Variants in FREM2 observed in about 807,000 individuals in gnomAD.
FREM2 encodes the protein FRAS1 related extracellular matrix 2.
In FREM2, 119 loss-of-function variants were observed where a neutral mutation model predicts 219.9. The observed-to-expected ratio is 0.54, with a 90% CI of 0.47 to 0.63. FREM2 has a LOEUF of 0.63. Among genes scored for constraint, FREM2 ranks in the 30% least tolerant of loss-of-function variants. The probability of loss-of-function intolerance (pLI) is 0.00; values close to 1 mark genes in which losing one functional copy is unlikely to be tolerated. For synonymous variants in FREM2, 1,562 were observed against 1,522.8 expected (o/e 1.03, Z -0.60); for missense variants, 4,030 against 3,993.6 (o/e 1.01, Z -0.25).
chr13:38,756,392 T>C (rs1267938495), intron 2 of FREM2, among the ~76,000 whole-genome samples: 2 of 152,192 alleles, frequency 1.3e-5, no homozygotes, highest in Non-Finnish European at 2.9e-5. Flanking sequence ...CTATATGTTG[T>C]TGATTCATTA....
intron 2 of FREM2, among the ~76,000 whole-genome samples, chr13:38,723,002 G>A (rs915171475): frequency 3.3e-5 from 5 of 152,106 alleles, no homozygotes; most frequent in Middle Eastern, 3.4e-3. Context: ...TGGCTGAGGC[G>A]GGAGGATCAC....
At chr13:38,802,176 TC>T (rs1371492529) in intron 6 of FREM2, among the ~76,000 whole-genome samples, 1 of 152,046 alleles carries the variant, frequency 6.6e-6, no homozygotes, top group Non-Finnish European at 1.5e-5. Flanking sequence ...GTGGGGTTGT[TC>T]CCCCGCCACC....
intron 6 of FREM2, among the ~76,000 whole-genome samples, chr13:38,795,983 CTTTCTTTCTTTCTTT>C (rs1230412462): frequency 6.7e-5 from 10 of 149,874 alleles, no homozygotes; most frequent in Admixed American, 2.0e-4. Flanking sequence ...AGTTTTCTTT[CTTTCTTTCTTTCTTT>C]TTTCTTTCTT....
chr13:38,843,677 G>A (rs1877043482), intron 6 of FREM2, among the ~76,000 whole-genome samples: 2 of 152,028 alleles, frequency 1.3e-5, no homozygotes, highest in South Asian at 4.2e-4. Flanking sequence ...TGCTTGATGT[G>A]TCTTTAACTC....
chr13:38,797,820 G>A (rs1242126936), intron 6 of FREM2, among the ~76,000 whole-genome samples: 3 of 152,086 alleles, frequency 2.0e-5, no homozygotes, highest in Non-Finnish European at 2.9e-5. Context: ...TATGGTGAGA[G>A]ACAGGGGTCC....
chr13:38,763,480 A>T (rs1481695321), intron 2 of FREM2, among the ~76,000 whole-genome samples: 4 of 3,316 alleles, frequency 1.2e-3, no homozygotes, highest in Non-Finnish European at 4.0e-3. Context: ...TTTTTTTTAC[A>T]CCCTCTTTCA....
rs1490574552 is a variant in FREM2 at position 38,881,470 on chromosome 13, T to C, written c.*683T>C. 3.2e-5 allele frequency: 5 copies of C among 154,802 alleles called. No individual in the cohort carries two copies. The highest frequency in any genetic ancestry group is 7.2e-5 in the Non-Finnish European group (5 of 69,542). The allele number at this position is 154,802 out of a possible 1,614,324, so 9.6% of individuals were successfully genotyped here. On this transcript the variant is annotated 3_prime_UTR_variant, in exon 24 of 24. Coordinates refer to ENST00000280481, the MANE Select transcript of FREM2 (RefSeq NM_207361.6). ...TAATTTTAAATTAAACCAAAGAATATGTTAATTCTGAAAGAGATTTTTAAG... is the reference window on the plus strand; with the variant it reads ...TAATTTTAAATTAAACCAAAGAATACGTTAATTCTGAAAGAGATTTTTAAG...
At chr13:38,865,271 A>C (rs1051781324) in intron 16 of FREM2, among the ~76,000 whole-genome samples, 18 of 152,156 alleles carry the variant, frequency 1.2e-4, no homozygotes. Context: ...ACACACACAC[A>C]ATCCTCACCC....
chr13:38,776,087 A>G (rs1367597534), intron 4 of FREM2, among the ~76,000 whole-genome samples: 1 of 152,242 alleles, frequency 6.6e-6, no homozygotes, highest in Non-Finnish European at 1.5e-5. Context: ...CTATATTACT[A>G]TGTCTGTCTT....
In FREM2 at chr13:38,877,101, T is replaced by C. The variant is rs776364882; in HGVS notation, c.8545-16T>C. 8.7e-6 allele frequency: 14 copies of C among 1,614,062 alleles called. No individual in the cohort carries two copies. The highest frequency in any genetic ancestry group is 1.2e-5 in the Non-Finnish European group (14 of 1,179,918). Reference sequence around the variant, plus strand: ...GAACCACTGATGCATAAAAGAACTTTTACCTTTGGTTTTAGGTCAGTGATC... The same window carrying C: ...GAACCACTGATGCATAAAAGAACTTCTACCTTTGGTTTTAGGTCAGTGATC... On this transcript the variant is annotated splice_polypyrimidine_tract_variant and intron_variant, in intron 20 of 23. Transcript: ENST00000280481.
intron 11 of FREM2, among the ~76,000 whole-genome samples, chr13:38,854,181 G>A (rs1877474674): frequency 6.7e-6 from 1 of 149,812 alleles, no homozygotes; most frequent in Non-Finnish European, 1.5e-5. Flanking sequence ...TGCTAAAATA[G>A]TCTAAAGTGA....
At chr13:38,782,068 A>G (rs1874138943) in intron 4 of FREM2, among the ~76,000 whole-genome samples, 1 of 152,196 alleles carries the variant, frequency 6.6e-6, no homozygotes. Context: ...CGTGGTTCCC[A>G]TTTGTCAGCT....
intron 6 of FREM2, among the ~76,000 whole-genome samples, chr13:38,787,800 A>G (rs1874392858): frequency 1.3e-5 from 2 of 150,952 alleles, no homozygotes; most frequent in African/African-American, 4.8e-5. Context: ...TATTAATGTT[A>G]TTCAACGAAT....
chr13:38,782,114 A>G (rs1593404411), intron 4 of FREM2, among the ~76,000 whole-genome samples: 1 of 152,328 alleles, frequency 6.6e-6, no homozygotes, highest in East Asian at 1.9e-4. Flanking sequence ...AGGGTGGAGC[A>G]TGGACCTCCA....
At chr13:38,769,938 T>A (rs998572232) in intron 4 of FREM2, 130 bp downstream of exon 4, 8 of 738,604 alleles carry the variant, frequency 1.1e-5, no homozygotes, top group Non-Finnish European at 1.9e-5. Context: ...TCTAGATTAA[T>A]GATTCATTAT....
rs773414800 is a variant in FREM2 at position 38,697,720 on chromosome 13, A to G, written c.5196A>G (p.Ile1732Met). The change falls in exon 2 of 24, where the codon ATA becomes ATG. Residue 1732 changes from isoleucine to methionine, a missense_variant. Ile to Met is a conservative substitution (Grantham distance 10, BLOSUM62 1). Around this residue, in one of 2 missense-constraint regions of FREM2, gnomAD observed 3,102 missense variants for 2,950.7 expected, o/e 1.05. Coordinates refer to ENST00000280481, the MANE Select transcript of FREM2 (RefSeq NM_207361.6). ...TAGCTGACATTGATGACATGAAAAT[A>G]TGCTATGTCTTAAGAGAAGGGGCTA... ...FTQADIDDMK[I>M]CYVLREGANA... 5.6e-6 allele frequency: 9 copies of G among 1,604,228 alleles called. No homozygotes were observed. The South Asian group carries it at 8.8e-5, about 16-fold the overall frequency.
intron 6 of FREM2, among the ~76,000 whole-genome samples, chr13:38,829,776 T>C (rs9548467): frequency 0.093 from 14,076 of 151,950 alleles, 994 homozygotes; most frequent in Admixed American, 0.21. Context: ...CAATAGATAG[T>C]GTCTGGAAAC....
intron 4 of FREM2, among the ~76,000 whole-genome samples, chr13:38,772,491 C>T (rs968291327): frequency 1.3e-5 from 2 of 152,232 alleles, no homozygotes; most frequent in South Asian, 2.1e-4. Context: ...ATAATGGTAA[C>T]GACTGAAATT....
chr13:38,812,347 T>C (rs976842525), intron 6 of FREM2, among the ~76,000 whole-genome samples: 2 of 152,134 alleles, frequency 1.3e-5, no homozygotes, highest in Admixed American at 1.3e-4. Flanking sequence ...TTATTTGTTT[T>C]CTGGATGTCT....
Sources: gnomAD v4.1 joint callset for allele counts (sites outside exome capture counted in the v4.1 genomes callset) on GRCh38, gnomAD v4.1.1 for gene constraint, gnomAD v4.1.1 regional missense constraint, MANE v1.5 for transcripts, NCBI Gene and HGNC (gene_info 2026-07-23, HGNC 2026-07-21) for gene names.